The following SYT1 variants were observed in gnomAD, a reference collection of about 807,000 sequenced individuals.
SYT1 encodes the protein synaptotagmin-1.
In SYT1, 8 loss-of-function variants were observed where a neutral mutation model predicts 44.8. That is an observed-to-expected ratio of 0.18 (90% confidence interval 0.10 to 0.32). The LOEUF (loss-of-function observed/expected upper bound fraction) is 0.32, where lower values mean the gene tolerates loss of function less well. SYT1 is among the 10% of genes least tolerant of loss of function. SYT1 has a pLI of 1.00. For synonymous variants in SYT1, 154 were observed against 188.8 expected (o/e 0.82, Z 1.51); for missense variants, 286 against 509.3 (o/e 0.56, Z 4.22).
intron 2 of SYT1, among the ~76,000 whole-genome samples, chr12:78,985,864 C>T (rs2137460242): frequency 6.6e-6 from 1 of 152,066 alleles, no homozygotes; most frequent in Non-Finnish European, 1.5e-5. Flanking sequence ...ATCCAATAAA[C>T]TGTAGTTAGG....
intron 8 of SYT1, among the ~76,000 whole-genome samples, chr12:79,305,033 A>G (rs1335414330): frequency 1.3e-5 from 2 of 152,092 alleles, no homozygotes; most frequent in African/African-American, 2.4e-5. Context: ...TTGTATTCTT[A>G]TGTATAATAA....
chr12:79,008,911 A>G (rs1514919), intron 2 of SYT1, among the ~76,000 whole-genome samples: 1 of 152,192 alleles, frequency 6.6e-6, no homozygotes, highest in Admixed American at 6.6e-5. Context: ...TACTACCTAG[A>G]AAAGAAAATA....
At chr12:79,264,331 C>G (rs1055214883) in intron 4 of SYT1, among the ~76,000 whole-genome samples, 1 of 151,784 alleles carries the variant, frequency 6.6e-6, no homozygotes, top group Non-Finnish European at 1.5e-5. Flanking sequence ...TGGCGCCCAC[C>G]ACCACACCTG....
chr12:78,976,468 T>A (rs1284037152), intron 1 of SYT1: 1 of 152,214 alleles, frequency 6.6e-6, no homozygotes, highest in Non-Finnish European at 1.5e-5. Flanking sequence ...TTTTTCTATA[T>A]GGATTTATGC....
At chr12:79,337,497 A>G (rs1231599988) in intron 8 of SYT1, among the ~76,000 whole-genome samples, 3 of 152,182 alleles carry the variant, frequency 2.0e-5, no homozygotes, top group African/African-American at 7.2e-5. Flanking sequence ...CAAGTTAATT[A>G]GGATGCACTA....
intron 9 of SYT1, among the ~76,000 whole-genome samples, chr12:79,363,090 A>G (rs528693589): frequency 1.3e-5 from 2 of 152,252 alleles, no homozygotes; most frequent in South Asian, 4.1e-4. Context: ...TGCATCCTTC[A>G]GTTGGCCACT....
At chr12:78,886,398 C>CA (rs1407820845) in intron 1 of SYT1, among the ~76,000 whole-genome samples, 1 of 151,896 alleles carries the variant, frequency 6.6e-6, no homozygotes, top group Non-Finnish European at 1.5e-5. Flanking sequence ...TCATTTTAAA[C>CA]AAAAACAGAT....
At chr12:79,368,777 C>T (rs1883663602) in intron 9 of SYT1, among the ~76,000 whole-genome samples, 1 of 152,020 alleles carries the variant, frequency 6.6e-6, no homozygotes, top group Non-Finnish European at 1.5e-5. Context: ...TGTTTGAGTT[C>T]ATTGTAGATT....
chr12:79,405,184 T>C (rs1203510727), intron 9 of SYT1, among the ~76,000 whole-genome samples: 1 of 152,204 alleles, frequency 6.6e-6, no homozygotes, highest in Non-Finnish European at 1.5e-5. Context: ...GGATTTGCTT[T>C]TATTTCTTCT....
chr12:79,308,594 GAAAGAAAGAAAGAAAGAA>G (rs1346312892), intron 8 of SYT1, among the ~76,000 whole-genome samples: 1,456 of 84,790 alleles, frequency 0.017, 10 homozygotes, highest in Admixed American at 0.018. Context: ...AAAGAAAGAA[GAAAGAAAGAAAGAAAGAA>G]AAAGAAAGAA....
intron 1 of SYT1, chr12:78,868,805 GT>G (rs1005787535): frequency 1.3e-5 from 2 of 151,606 alleles, no homozygotes; most frequent in African/African-American, 4.8e-5. Flanking sequence ...AGAGCCTAGA[GT>G]TTTTTTCTTT....
chr12:78,920,911 T>C (rs1188520316), intron 1 of SYT1, among the ~76,000 whole-genome samples: 1 of 151,946 alleles, frequency 6.6e-6, no homozygotes, highest in African/African-American at 2.4e-5. Context: ...AAGGTATTAA[T>C]ACTAAGATCC....
intron 8 of SYT1, among the ~76,000 whole-genome samples, chr12:79,343,522 T>G (rs1043076764): frequency 1.2e-4 from 19 of 152,318 alleles, no homozygotes; most frequent in African/African-American, 4.1e-4. Flanking sequence ...TGAGGCTTAG[T>G]AGGTAATAAG....
At chr12:79,175,595 C>A (rs1230915062) in intron 3 of SYT1, among the ~76,000 whole-genome samples, 2 of 152,068 alleles carry the variant, frequency 1.3e-5, no homozygotes, top group Admixed American at 6.6e-5. Context: ...TGATGAAATT[C>A]CCTTTTGCCA....
At chr12:79,203,724 CTTG>C (rs1197241214) in intron 3 of SYT1, among the ~76,000 whole-genome samples, 4 of 152,092 alleles carry the variant, frequency 2.6e-5, no homozygotes, top group African/African-American at 9.7e-5. Context: ...AACAATCTTG[CTTG>C]TTATTTTTTC....
At chr12:78,902,870 T>C (rs1263740890) in intron 1 of SYT1, among the ~76,000 whole-genome samples, 1 of 152,140 alleles carries the variant, frequency 6.6e-6, no homozygotes, top group Non-Finnish European at 1.5e-5. Flanking sequence ...TATTAAAAAT[T>C]TGAAGCTCCA....
At chr12:79,192,452 C>T (rs1873188205) in intron 3 of SYT1, among the ~76,000 whole-genome samples, 1 of 152,082 alleles carries the variant, frequency 6.6e-6, no homozygotes, top group South Asian at 2.1e-4. Flanking sequence ...ACCCCATGTA[C>T]AGGACATTGG....
At chr12:79,034,398 A>C (rs1185435385) in intron 2 of SYT1, among the ~76,000 whole-genome samples, 2 of 151,666 alleles carry the variant, frequency 1.3e-5, no homozygotes, top group African/African-American at 4.8e-5. Flanking sequence ...GTAGTAAGGA[A>C]TGTCTAAAAA....
rs1884334638 is a variant in SYT1 at position 79,384,143 on chromosome 12, C to G, written c.928+30524C>G. Among the ~76,000 whole-genome samples, 5 of 152,094 alleles carry G rather than the reference C, an allele frequency of 3.3e-5. No homozygotes were observed. In the South Asian group the frequency reaches 1.0e-3, roughly 32 times the overall value. On this transcript the variant is annotated intron_variant, in intron 9 of 10. Transcript: ENST00000261205. ...CAAATTCTCCACATGCATCATGTTT[C>G]TGTACTGAGTGCTGAACTATACAAT...
Sources: allele counts gnomAD v4.1 joint callset (sites outside exome capture counted in the v4.1 genomes callset), GRCh38; gene constraint gnomAD v4.1.1; transcripts MANE v1.5; gene names NCBI Gene and HGNC (gene_info 2026-07-23, HGNC 2026-07-21).